Variants in FBLN7 observed in about 807,000 individuals in gnomAD.
The protein encoded by FBLN7 is fibulin 7.
In FBLN7, 31 loss-of-function variants were observed where a neutral mutation model predicts 44.0. The observed-to-expected ratio is 0.70, with a 90% CI of 0.53 to 0.95. The LOEUF is 0.95. Ranked by LOEUF, FBLN7 falls within the 40% of genes least tolerant of loss-of-function variation. The pLI, the probability that FBLN7 is intolerant of heterozygous loss-of-function variation, is 0.00. For synonymous variants in FBLN7, 262 were observed against 253.4 expected (o/e 1.03, Z -0.32); for missense variants, 573 against 618.5 (o/e 0.93, Z 0.78).
At chr2:112,160,226 G>C (rs1000995309) in intron 2 of FBLN7, among the ~76,000 whole-genome samples, 1 of 152,074 alleles carries the variant, frequency 6.6e-6, no homozygotes, top group African/African-American at 2.4e-5. Flanking sequence ...TCCTGACCTC[G>C]TGATCCGCCC....
intron 1 of FBLN7, among the ~76,000 whole-genome samples, chr2:112,153,879 C>T (rs978576781): frequency 2.0e-5 from 3 of 152,136 alleles, no homozygotes; most frequent in African/African-American, 7.2e-5. Context: ...CAAGAATTCC[C>T]GGAGAAGGGC....
At chr2:112,204,384 A>T in the FBLN7 span, among the ~76,000 whole-genome samples, 1 of 152,156 alleles carries the variant, frequency 6.6e-6, no homozygotes, top group Non-Finnish European at 1.5e-5. Flanking sequence ...GTAAGAAAAG[A>T]AAGAAAGGGT....
rs527416634 is a variant in FBLN7 at position 112,143,311 on chromosome 2, T to C, written c.75+4581T>C. Among the ~76,000 whole-genome samples, 243 of 152,276 alleles carry C rather than the reference T, an allele frequency of 1.6e-3. 3 individuals are homozygous for C. Among genetic ancestry groups the C allele is most frequent in the African/African-American group, 5.6e-3 (231 of 41,556 alleles). On this transcript the variant is annotated intron_variant, in intron 1 of 7. Coordinates refer to ENST00000331203, the MANE Select transcript of FBLN7 (RefSeq NM_153214.3). The stretch of plus-strand genomic sequence containing the variant: ...CAAATATCTAACCATCATCTCGCAC[T>C]TCACCTTCAGCCCACAGTGGCTCTG...
the FBLN7 span, among the ~76,000 whole-genome samples, chr2:112,231,533 G>T: frequency 6.6e-6 from 1 of 152,044 alleles, no homozygotes; most frequent in Non-Finnish European, 1.5e-5. Context: ...TTTATAACAG[G>T]AGTACTATTT....
chr2:112,234,119 C>T, the FBLN7 span: 2 of 1,537,114 alleles, frequency 1.3e-6, no homozygotes, highest in Non-Finnish European at 1.8e-6. Flanking sequence ...CATTTTTATA[C>T]CTTAATACAT....
chr2:112,236,401 AG>A, the FBLN7 span, among the ~76,000 whole-genome samples: 4 of 152,258 alleles, frequency 2.6e-5, no homozygotes, highest in Non-Finnish European at 2.9e-5. Flanking sequence ...GGAAGAACAC[AG>A]AGAACCCAGT....
At chr2:112,143,462 C>T (rs534144373) in intron 1 of FBLN7, among the ~76,000 whole-genome samples, 22 of 152,168 alleles carry the variant, frequency 1.4e-4, no homozygotes, top group Non-Finnish European at 2.5e-4. Flanking sequence ...CCAAATTCCA[C>T]CATGAGAGGT....
intron 1 of FBLN7, among the ~76,000 whole-genome samples, chr2:112,144,523 CTTTTT>C (rs35764058): frequency 4.0e-5 from 5 of 123,794 alleles, no homozygotes; most frequent in East Asian, 2.2e-4. Flanking sequence ...GTTTTCTTTT[CTTTTT>C]TTTTTTTTTT....
chr2:112,160,650 ACGCACACG>A (rs1681717862), intron 2 of FBLN7, among the ~76,000 whole-genome samples: 2 of 5,202 alleles, frequency 3.8e-4, no homozygotes, highest in Non-Finnish European at 8.7e-4. Context: ...ACACACGCGC[ACGCACACG>A]CGCACGCACA....
chr2:112,173,575 TAAAAG>T (rs1682583906), intron 3 of FBLN7, among the ~76,000 whole-genome samples: 2 of 151,472 alleles, frequency 1.3e-5, no homozygotes, highest in Non-Finnish European at 1.5e-5. Flanking sequence ...GAATTAGAAA[TAAAAG>T]AAAAAAGTTC....
chr2:112,164,080 T>C (rs944006943), intron 2 of FBLN7, among the ~76,000 whole-genome samples: 1 of 152,234 alleles, frequency 6.6e-6, no homozygotes, highest in Non-Finnish European at 1.5e-5. Flanking sequence ...ATTTTCTACA[T>C]GGCCCCACAC....
In FBLN7 at chr2:112,179,535, G is replaced by T. The variant is rs184363983; in HGVS notation, c.533-2204G>T. Among the ~76,000 whole-genome samples the T allele has an allele frequency of 9.9e-4, 150 of 152,158 alleles. 2 individuals carry two copies. Among genetic ancestry groups the T allele is most frequent in the Admixed American group, 2.5e-3 (38 of 15,270 alleles). The stretch of plus-strand genomic sequence containing the variant: ...ACCCAAAAAGATCCTGAATACCCAA[G>T]GCAATCCTAAGCAAAAAGAACAAAG... On this transcript the variant is annotated intron_variant, in intron 4 of 7. Transcript: ENST00000331203.
chr2:112,196,825 G>T, the FBLN7 span, among the ~76,000 whole-genome samples: 94 of 152,232 alleles, frequency 6.2e-4, no homozygotes, highest in South Asian at 3.7e-3. Flanking sequence ...AGAAAAAGAG[G>T]TCCAATGGAC....
At chr2:112,193,939 T>G in the FBLN7 span, among the ~76,000 whole-genome samples, 2 of 152,264 alleles carry the variant, frequency 1.3e-5, no homozygotes, top group Admixed American at 6.5e-5. Context: ...TTCTGCTTAT[T>G]GCTGCATAAA....
chr2:112,169,327 G>T (rs1322314611), intron 3 of FBLN7, among the ~76,000 whole-genome samples: 1 of 152,066 alleles, frequency 6.6e-6, no homozygotes, highest in African/African-American at 2.4e-5. Context: ...AACAGCAGGC[G>T]TAGGTGGACT....
At chr2:112,148,087 GA>G (rs113098349) in intron 1 of FBLN7, among the ~76,000 whole-genome samples, 26 of 149,512 alleles carry the variant, frequency 1.7e-4, no homozygotes, top group African/African-American at 5.1e-4. Context: ...CTTGGTCTGA[GA>G]AAAAAAAAAT....
the FBLN7 span, among the ~76,000 whole-genome samples, chr2:112,203,344 A>G: frequency 6.6e-6 from 1 of 152,178 alleles, no homozygotes; most frequent in Non-Finnish European, 1.5e-5. Flanking sequence ...ATTTGAGAAA[A>G]TCTCTGCCCA....
At chr2:112,169,728 G>A (rs1395101599) in intron 3 of FBLN7, among the ~76,000 whole-genome samples, 1 of 152,168 alleles carries the variant, frequency 6.6e-6, no homozygotes, top group Non-Finnish European at 1.5e-5. Flanking sequence ...TAAGAGGGGA[G>A]GCAAAGCAAA....
At chr2:112,194,008 G>T in the FBLN7 span, among the ~76,000 whole-genome samples, 1 of 152,192 alleles carries the variant, frequency 6.6e-6, no homozygotes, top group Non-Finnish European at 1.5e-5. Context: ...CATGGATTCG[G>T]TGGGCCAGTA....
Sources: allele counts gnomAD v4.1 joint callset (sites outside exome capture counted in the v4.1 genomes callset), GRCh38; gene constraint gnomAD v4.1.1; transcripts MANE v1.5; gene names NCBI Gene and HGNC (gene_info 2026-07-23, HGNC 2026-07-21).